The following CTNNA2 variants were observed in gnomAD, a reference collection of about 807,000 sequenced individuals.
CTNNA2 encodes catenin alpha-2.
Under a neutral mutation model 101.0 loss-of-function variants are expected in CTNNA2, and 42 were observed. The observed-to-expected ratio is 0.42, with a 90% confidence interval of 0.32 to 0.54. The LOEUF (loss-of-function observed/expected upper bound fraction) is 0.54. Among genes scored for constraint, CTNNA2 ranks in the 20% least tolerant of loss-of-function variants. The probability of loss-of-function intolerance (pLI) is 0.14; values close to 1 mark genes in which losing one functional copy is unlikely to be tolerated. For synonymous variants in CTNNA2, 450 were observed against 456.4 expected, an observed-to-expected ratio of 0.99 and a Z score of 0.18; for missense variants, 871 against 1,223.1, an observed-to-expected ratio of 0.71 and a Z score of 4.29.
At chr2:80,216,194 G>T (rs539524879) in intron 7 of CTNNA2, among the ~76,000 whole-genome samples, 1 of 152,088 alleles carries the variant, frequency 6.6e-6, no homozygotes, top group Admixed American at 6.6e-5. Flanking sequence ...GGAATTCCCC[G>T]ACCCCTTGTG....
At chr2:79,993,096 C>A (rs1022185224) in intron 7 of CTNNA2, among the ~76,000 whole-genome samples, 2 of 152,146 alleles carry the variant, frequency 1.3e-5, no homozygotes, top group African/African-American at 4.8e-5. Flanking sequence ...AGGAAAAAAA[C>A]GACTCAAACT....
chr2:80,323,780 A>G (rs1050609690), intron 7 of CTNNA2, among the ~76,000 whole-genome samples: 3 of 152,102 alleles, frequency 2.0e-5, no homozygotes, highest in East Asian at 1.9e-4. Flanking sequence ...TCAAGCCACA[A>G]ATTCCTCCCA....
At chr2:80,471,805 T>C (rs1685326202) in intron 9 of CTNNA2, among the ~76,000 whole-genome samples, 1 of 139,014 alleles carries the variant, frequency 7.2e-6, no homozygotes, top group African/African-American at 2.9e-5. Flanking sequence ...AGTGGTCCTT[T>C]GTCCTCAAGT....
intron 4 of CTNNA2, among the ~76,000 whole-genome samples, chr2:79,447,396 A>G (rs1678846626): frequency 1.3e-5 from 2 of 152,028 alleles, no homozygotes; most frequent in African/African-American, 4.8e-5. Context: ...CCTTCCTGCA[A>G]TAACACAACT....
intron 7 of CTNNA2, among the ~76,000 whole-genome samples, chr2:80,170,161 A>G (rs955845357): frequency 4.7e-5 from 7 of 149,342 alleles, no homozygotes; most frequent in African/African-American, 1.7e-4. Context: ...TTTATAATGC[A>G]TTTTCCAACT....
At chr2:79,208,941 T>G (rs1173605178) in intron 2 of CTNNA2, among the ~76,000 whole-genome samples, 1 of 152,166 alleles carries the variant, frequency 6.6e-6, no homozygotes, top group Non-Finnish European at 1.5e-5. Flanking sequence ...CATCAAAATA[T>G]TTGGTAATGA....
chr2:79,669,305 T>C lies in CTNNA2; in HGVS notation c.102+17647T>C, dbSNP rs78650041. Among the ~76,000 whole-genome samples, 531 of 152,334 alleles carry C rather than the reference T, an allele frequency of 3.5e-3. 12 individuals carry two copies. In the East Asian group the frequency reaches 0.047, roughly 14 times the overall value. On this transcript the variant is annotated intron_variant, in intron 2 of 18. Transcript: ENST00000402739. Reference sequence around the variant, plus strand: ...AATGTTTTAAGTTTCTTCCCACTGCTACTTTCCACTCTAATATAGCTTGTT... The same window carrying C: ...AATGTTTTAAGTTTCTTCCCACTGCCACTTTCCACTCTAATATAGCTTGTT...
At chr2:79,990,546 A>G (rs749777911) in intron 7 of CTNNA2, among the ~76,000 whole-genome samples, 5 of 152,198 alleles carry the variant, frequency 3.3e-5, no homozygotes, top group Admixed American at 6.5e-5. Context: ...AAACCTGTCT[A>G]TGCTTCAGTT....
At chr2:79,673,903 T>C (rs536306356) in intron 2 of CTNNA2, among the ~76,000 whole-genome samples, 31 of 152,334 alleles carry the variant, frequency 2.0e-4, no homozygotes, top group Middle Eastern at 3.4e-3. Context: ...GAATATATTC[T>C]TTCCTGTGAC....
intron 1 of CTNNA2, among the ~76,000 whole-genome samples, chr2:79,517,579 A>G (rs1052606636): frequency 1.3e-5 from 2 of 152,206 alleles, no homozygotes; most frequent in Non-Finnish European, 2.9e-5. Context: ...TTAAAAATTC[A>G]GCAAATCTAA....
At chr2:79,520,466 C>CA (rs1343715897) in intron 1 of CTNNA2, among the ~76,000 whole-genome samples, 1 of 152,012 alleles carries the variant, frequency 6.6e-6, no homozygotes, top group African/African-American at 2.4e-5. Context: ...CCTTAGGACC[C>CA]AAAAAGCACT....
chr2:80,299,541 C>G (rs1017774546), intron 7 of CTNNA2: 2 of 152,202 alleles, frequency 1.3e-5, no homozygotes. Flanking sequence ...TGCTCTTAAG[C>G]TCCCAGATTG....
intron 1 of CTNNA2, among the ~76,000 whole-genome samples, chr2:79,541,427 C>CATATATATATAT (rs9284785): frequency 7.0e-6 from 1 of 142,792 alleles, no homozygotes; most frequent in South Asian, 2.2e-4. Context: ...CGCACACACA[C>CATATATATATAT]ATATATATAT....
intron 2 of CTNNA2, among the ~76,000 whole-genome samples, chr2:79,699,237 C>A (rs1684834117): frequency 6.6e-6 from 1 of 151,962 alleles, no homozygotes. Context: ...GACTGATGAG[C>A]GTAAATGAGC....
chr2:79,315,381 T>C (rs567629382), intron 3 of CTNNA2, among the ~76,000 whole-genome samples: 1 of 152,328 alleles, frequency 6.6e-6, no homozygotes, highest in South Asian at 2.1e-4. Context: ...TGGAATCCTG[T>C]ATCCATTAGC....
intron 4 of CTNNA2, among the ~76,000 whole-genome samples, chr2:79,488,639 A>T (rs1671180762): frequency 6.6e-6 from 1 of 152,156 alleles, no homozygotes; most frequent in African/African-American, 2.4e-5. Flanking sequence ...TTCCTTCAGA[A>T]CCTTCTGGAT....
intron 1 of CTNNA2, among the ~76,000 whole-genome samples, chr2:79,567,651 A>G (rs949189607): frequency 1.3e-5 from 2 of 151,942 alleles, no homozygotes; most frequent in Non-Finnish European, 2.9e-5. Flanking sequence ...CTTCCTCCCC[A>G]TACAAGTAGA....
At chr2:79,827,620 C>A (rs1678548114) in intron 3 of CTNNA2, among the ~76,000 whole-genome samples, 1 of 152,156 alleles carries the variant, frequency 6.6e-6, no homozygotes, top group African/African-American at 2.4e-5. Flanking sequence ...GACTTTACAG[C>A]CAGCATTTAC....
chr2:79,602,286 C>T (rs957345897), intron 1 of CTNNA2, among the ~76,000 whole-genome samples: 3 of 152,096 alleles, frequency 2.0e-5, no homozygotes, highest in Middle Eastern at 3.4e-3. Flanking sequence ...TTTGAAATAA[C>T]GTGATCATCT....
Sources: gnomAD v4.1 joint callset for allele counts (sites outside exome capture counted in the v4.1 genomes callset) on GRCh38, gnomAD v4.1.1 for gene constraint, MANE v1.5 for transcripts, NCBI Gene and HGNC (gene_info 2026-07-23, HGNC 2026-07-21) for gene names.